Variants in HEATR5B observed in about 807,000 individuals in gnomAD.
HEATR5B encodes the protein HEAT repeat-containing protein 5B.
Under a neutral mutation model 224.1 loss-of-function variants are expected in HEATR5B, and 156 were observed. That is an observed-to-expected ratio of 0.70 (90% confidence interval 0.61 to 0.80). The LOEUF (loss-of-function observed/expected upper bound fraction) is 0.80, where lower values mean the gene tolerates loss of function less well. HEATR5B is among the 30% of genes least tolerant of loss of function. HEATR5B has a pLI of 0.00. For synonymous variants in HEATR5B, 1,027 were observed against 893.0 expected, an observed-to-expected ratio of 1.15 and a Z score of -2.68; for missense variants, 2,323 against 2,535.5, an observed-to-expected ratio of 0.92 and a Z score of 1.80.
chr2:37,072,359 C>A, intron 5 of HEATR5B, 78 bp from the exon 6 acceptor site: 1 of 1,000,824 alleles, frequency 1.0e-6, no homozygotes, highest in Non-Finnish European at 1.5e-6. Context: ...ACCAGACTTA[C>A]CACCTCTCCT....
At chr2:36,998,182 T>C (rs1219131541) in intron 33 of HEATR5B, among the ~76,000 whole-genome samples, 2 of 152,214 alleles carry the variant, frequency 1.3e-5, no homozygotes, top group Non-Finnish European at 2.9e-5. Flanking sequence ...TTACTATTCT[T>C]TGTTTTCAGT....
chr2:37,010,182 G>T (rs561496990), intron 27 of HEATR5B, among the ~76,000 whole-genome samples: 51 of 151,908 alleles, frequency 3.4e-4, no homozygotes, highest in Non-Finnish European at 6.2e-4. Flanking sequence ...ACGTATTAAT[G>T]AGAAAACAAA....
In HEATR5B at chr2:37,041,145, G is replaced by T; in HGVS notation, c.2844C>A (p.Ser948=). ...ILLALAQDGT[S]PEVQTWSLHS... ...AATTATATTATACCTGGACTTCAGGGGATGTCCCATCTTGTGCTAGAGCCA... is the reference window on the plus strand; with the variant it reads ...AATTATATTATACCTGGACTTCAGGTGATGTCCCATCTTGTGCTAGAGCCA... The change falls in exon 19 of 36, where the codon TCC becomes TCA. Residue 948 remains serine, a synonymous_variant. Coordinates refer to ENST00000233099, the MANE Select transcript of HEATR5B (RefSeq NM_019024.3). 2 of 1,613,154 alleles carry T rather than the reference G, an allele frequency of 1.2e-6. No homozygotes were observed. Among genetic ancestry groups the T allele is most frequent in the Non-Finnish European group, 1.7e-6 (2 of 1,179,462 alleles).
chr2:37,024,112 G>A (rs1316596971), intron 24 of HEATR5B, among the ~76,000 whole-genome samples: 1 of 152,178 alleles, frequency 6.6e-6, no homozygotes, highest in East Asian at 1.9e-4. Context: ...CAACATGGAT[G>A]AACTTGGAGG....
At chr2:37,049,383 T>C (rs111681358) in intron 18 of HEATR5B, among the ~76,000 whole-genome samples, 90 of 152,038 alleles carry the variant, frequency 5.9e-4, no homozygotes, top group African/African-American at 2.0e-3. Context: ...AACAGAGAAG[T>C]CCTTATTAAC....
chr2:37,068,608 A>G lies in HEATR5B; in HGVS notation c.1177+73T>C. 5 of 1,460,300 alleles carry G rather than the reference A, an allele frequency of 3.4e-6. No homozygotes were observed. The Admixed American group carries it at 9.4e-5, about 27-fold the overall frequency. The allele number at this position is 1,460,300 out of a possible 1,614,324, so 90.5% of individuals were successfully genotyped here. ...AAAGATAAACTAATCAGTCTTATGGATATTTATTAAGAATCATAATAAAGA... is the reference window on the plus strand; with the variant it reads ...AAAGATAAACTAATCAGTCTTATGGGTATTTATTAAGAATCATAATAAAGA... On this transcript the variant is annotated intron_variant, in intron 8 of 35. Coordinates refer to ENST00000233099, the MANE Select transcript of HEATR5B (RefSeq NM_019024.3).
chr2:37,005,583 A>G lies in HEATR5B; in HGVS notation c.4905+49T>C. The G allele has an allele frequency of 3.2e-6, 5 of 1,561,322 alleles. No individual in the cohort carries two copies. In the South Asian group the frequency reaches 4.6e-5, roughly 14 times the overall value. On this transcript the variant is annotated intron_variant, in intron 30 of 35. Transcript: ENST00000233099. ...CCATCCTTTTTTCCATTGTAAAGCAATACTCAAAAAAAAACCACACAAGTA... is the reference window on the plus strand; with the variant it reads ...CCATCCTTTTTTCCATTGTAAAGCAGTACTCAAAAAAAAACCACACAAGTA...
chr2:36,983,452 T>TCGC (rs1361326864), intron 35 of HEATR5B, among the ~76,000 whole-genome samples: 1 of 151,860 alleles, frequency 6.6e-6, no homozygotes, highest in African/African-American at 2.4e-5. Flanking sequence ...GGCAGGAGAA[T>TCGC]CGCTTGAATC....
At position 37,020,807 on chromosome 2, in the gene HEATR5B, G is replaced by A; in HGVS notation, c.3883C>T (p.Leu1295Phe). Residue 1295 changes from leucine (L) to phenylalanine (F), a missense_variant, in exon 25 of 36, where the codon CTC becomes TTC. Physicochemically the swap from Leu to Phe is conservative, Grantham distance 22 (BLOSUM62 0). Coordinates refer to ENST00000233099, the MANE Select transcript of HEATR5B (RefSeq NM_019024.3). ...GCAGCCATGAATGCCATGCGAATGAGGTCAGAGAGATGAAGTACCAAGAGG... is the reference window on the plus strand; with the variant it reads ...GCAGCCATGAATGCCATGCGAATGAAGTCAGAGAGATGAAGTACCAAGAGG... ...NDLLVLHLSD[L>F]IRMAFMAATD... The A allele has an allele frequency of 1.3e-6, 2 of 1,574,172 alleles. No individual in the cohort carries two copies. The highest frequency in any genetic ancestry group is 1.7e-6 in the Non-Finnish European group (2 of 1,168,344).
At chr2:37,011,865 T>C (rs1667809720) in intron 27 of HEATR5B, among the ~76,000 whole-genome samples, 1 of 152,224 alleles carries the variant, frequency 6.6e-6, no homozygotes, top group Non-Finnish European at 1.5e-5. Context: ...ATATTTTGGA[T>C]ATTTTTCACT....
chr2:37,060,818 C>T (rs530488358), intron 11 of HEATR5B, 85 bp from the exon 12 acceptor site: 1 of 1,110,964 alleles, frequency 9.0e-7, no homozygotes, highest in Non-Finnish European at 1.3e-6. Context: ...CCAACACAAA[C>T]TTTATGTAAT....
chr2:37,031,274 G>T (rs1317695818), intron 22 of HEATR5B, among the ~76,000 whole-genome samples: 1 of 151,984 alleles, frequency 6.6e-6, no homozygotes, highest in African/African-American at 2.4e-5. Flanking sequence ...CATCAAACCT[G>T]GGGGTGATCT....
chr2:37,074,334 A>AG (rs1197783897), intron 5 of HEATR5B, among the ~76,000 whole-genome samples: 1 of 151,880 alleles, frequency 6.6e-6, no homozygotes, highest in Non-Finnish European at 1.5e-5. Context: ...AAAAAAAAAA[A>AG]AAAGAAATGG....
intron 30 of HEATR5B, among the ~76,000 whole-genome samples, chr2:37,004,479 C>G (rs1667286974): frequency 6.6e-6 from 1 of 151,698 alleles, no homozygotes; most frequent in South Asian, 2.1e-4. Context: ...ATCCTTTTAT[C>G]TACCCTATGT....
chr2:36,986,951 C>A (rs969130886), intron 35 of HEATR5B, among the ~76,000 whole-genome samples: 2 of 151,734 alleles, frequency 1.3e-5, no homozygotes, highest in African/African-American at 4.8e-5. Flanking sequence ...TGGGGTTCCA[C>A]CACGTTTGCC....
intron 27 of HEATR5B, among the ~76,000 whole-genome samples, chr2:37,009,256 C>CAAAAAAA (rs57022846): frequency 1.1e-3 from 74 of 65,360 alleles, no homozygotes; most frequent in Non-Finnish European, 1.5e-3. Context: ...GACTCTGTCT[C>CAAAAAAA]AAAAAAAAAA....
At chr2:37,082,528 G>A (rs1204940712) in intron 2 of HEATR5B, among the ~76,000 whole-genome samples, 1 of 152,178 alleles carries the variant, frequency 6.6e-6, no homozygotes, top group Admixed American at 6.5e-5. Flanking sequence ...ACCCGAATGA[G>A]GGCAAGGAAC....
intron 35 of HEATR5B, among the ~76,000 whole-genome samples, chr2:36,986,229 A>T (rs1665939816): frequency 6.6e-6 from 1 of 152,210 alleles, no homozygotes; most frequent in Non-Finnish European, 1.5e-5. Flanking sequence ...CAGTCATAAA[A>T]TTTTTGCCTA....
Position 36,990,736 on chromosome 2 carries a change from G to C in HEATR5B, c.5609C>G (p.Ser1870Cys). Residue 1870 changes from serine (S) to cysteine (C), a missense_variant, in exon 34 of 36, where the codon TCT becomes TGT. Physicochemically the swap from Ser to Cys is moderately radical, Grantham distance 112. Around this residue, in one of 12 missense-constraint regions of HEATR5B, gnomAD observed 844 missense variants for 812.9 expected, o/e 1.04. Coordinates refer to ENST00000233099, the MANE Select transcript of HEATR5B (RefSeq NM_019024.3). ...GACTCCTATTATTTCATTACTAGCA[G>C]ACCACAGGAAGAGTGCAATTGCTGT... ...MLTAIALFLW[S>C]ASNEIIGVQS... The C allele has an allele frequency of 6.2e-7, 1 of 1,612,106 alleles. No homozygotes were observed. The highest frequency in any genetic ancestry group is 8.5e-7 in the Non-Finnish European group (1 of 1,178,670).
Sources: allele counts gnomAD v4.1 joint callset (sites outside exome capture counted in the v4.1 genomes callset), GRCh38; gene constraint gnomAD v4.1.1; regional missense constraint gnomAD v4.1.1; transcripts MANE v1.5; gene names NCBI Gene and HGNC (gene_info 2026-07-23, HGNC 2026-07-21).